TAF3: variants seen among roughly 807,000 people sequenced by gnomAD.
The protein encoded by TAF3 is TATA-box binding protein associated factor 3.
A neutral mutation model predicts 80.6 loss-of-function variants in TAF3; 7 were observed. The ratio of observed to expected loss-of-function variants is 0.09; its 90% CI spans 0.05 to 0.16. The LOEUF is 0.16. TAF3 is among the 10% of genes least tolerant of loss of function. TAF3 has a pLI of 1.00. For synonymous variants in TAF3, 444 were observed against 446.1 expected (o/e 1.00, Z 0.06); for missense variants, 921 against 1,140.2 (o/e 0.81, Z 2.77).
chr10:7,899,902 C>T (rs767447072), intron 2 of TAF3, among the ~76,000 whole-genome samples: 1 of 152,148 alleles, frequency 6.6e-6, no homozygotes, highest in African/African-American at 2.4e-5. Flanking sequence ...AGTGACTTTT[C>T]TAGATTATGG....
intron 2 of TAF3, among the ~76,000 whole-genome samples, chr10:7,905,948 G>A (rs1289720327): frequency 6.6e-6 from 1 of 152,092 alleles, no homozygotes; most frequent in Non-Finnish European, 1.5e-5. Context: ...TATGGTAAAT[G>A]CACCAATTTT....
chr10:7,970,371 G>A (rs1029223507), intron 3 of TAF3, among the ~76,000 whole-genome samples: 1 of 152,214 alleles, frequency 6.6e-6, no homozygotes, highest in Non-Finnish European at 1.5e-5. Context: ...CAGCTCTGAG[G>A]GTTTGGTATA....
chr10:7,913,005 C>T (rs1025246021), intron 2 of TAF3, among the ~76,000 whole-genome samples: 1 of 152,260 alleles, frequency 6.6e-6, no homozygotes, highest in East Asian at 1.9e-4. Context: ...ACCGAGGGGT[C>T]AGCAGGTTTG....
In TAF3 at chr10:7,964,827, C is replaced by A; in HGVS notation, c.1317C>A (p.Ser439=). The change falls in exon 3 of 7, where the codon TCC becomes TCA. Residue 439 remains serine, a synonymous_variant. Coordinates refer to ENST00000344293, the MANE Select transcript of TAF3 (RefSeq NM_031923.4). The surrounding 1 kb of genome is among the most constrained non-coding windows in gnomAD (Gnocchi z 4.1). ...GTACTACTCCCAAAGCTTCCACTTC[C>A]GCGAACAATTTCACAAAGTCAGGAT... ...PECTTPKAST[S]ANNFTKSGST... 6.2e-7 allele frequency: 1 copy of A among 1,614,128 alleles called. No individual in the cohort carries two copies. Among genetic ancestry groups the A allele is most frequent in the African/African-American group, 1.3e-5 (1 of 75,026 alleles).
chr10:7,842,176 G>GTTTTT (rs1167047923), intron 2 of TAF3, among the ~76,000 whole-genome samples: 25 of 62,156 alleles, frequency 4.0e-4, no homozygotes, highest in African/African-American at 1.5e-3. Context: ...TTTTTTTTTT[G>GTTTTT]TTTTTTTTTT....
chr10:7,971,379 T>A (rs1831620653), intron 3 of TAF3, among the ~76,000 whole-genome samples: 1 of 152,054 alleles, frequency 6.6e-6, no homozygotes, highest in Non-Finnish European at 1.5e-5. Context: ...TTTTCTAACA[T>A]ACCGGCATAG....
intron 2 of TAF3, among the ~76,000 whole-genome samples, chr10:7,845,577 A>G (rs1308043838): frequency 6.6e-6 from 1 of 152,162 alleles, no homozygotes; most frequent in Non-Finnish European, 1.5e-5. Context: ...GAAAATATTT[A>G]TGTTTGTGAA....
intron 2 of TAF3, among the ~76,000 whole-genome samples, chr10:7,905,273 G>A (rs941441255): frequency 6.6e-6 from 1 of 152,134 alleles, no homozygotes; most frequent in Non-Finnish European, 1.5e-5. Context: ...AGTGACACGC[G>A]CTGCCTTGAC....
At chr10:7,877,351 G>A (rs1837321019) in intron 2 of TAF3, among the ~76,000 whole-genome samples, 1 of 152,032 alleles carries the variant, frequency 6.6e-6, no homozygotes, top group Admixed American at 6.6e-5. Context: ...ATATTTGAGT[G>A]TATTTCACAT....
intron 2 of TAF3, among the ~76,000 whole-genome samples, chr10:7,905,130 A>C (rs1234586972): frequency 6.6e-6 from 1 of 152,176 alleles, no homozygotes; most frequent in Non-Finnish European, 1.5e-5. Flanking sequence ...TTTAATATGC[A>C]AATAGAGTGT....
At chr10:7,839,527 T>C (rs1180872607) in intron 2 of TAF3, among the ~76,000 whole-genome samples, 1 of 152,160 alleles carries the variant, frequency 6.6e-6, no homozygotes, top group East Asian at 1.9e-4. Flanking sequence ...TGCGAAGTGA[T>C]AGAGGTGACA....
chr10:7,856,634 T>C (rs1439433147), intron 2 of TAF3, among the ~76,000 whole-genome samples: 1 of 152,174 alleles, frequency 6.6e-6, no homozygotes, highest in Admixed American at 6.5e-5. Flanking sequence ...TAAAGCCAGA[T>C]TGTTGCCTTG....
chr10:7,992,665 C>T (rs957199590), intron 4 of TAF3, among the ~76,000 whole-genome samples: 2 of 152,030 alleles, frequency 1.3e-5, no homozygotes, highest in South Asian at 2.1e-4. Flanking sequence ...AAGAAATTTC[C>T]GTAGTATTCT....
rs1310216835 is a variant in TAF3 at position 7,818,587 on chromosome 10, G to A, written c.-123G>A. On this transcript the variant is annotated 5_prime_UTR_variant, in exon 1 of 7. Coordinates refer to ENST00000344293, the MANE Select transcript of TAF3 (RefSeq NM_031923.4). ...CTGGGGCTTTGAGGTGGTCGCCGGG[G>A]GTCCGGGGGACCCTTTCCCCGCCGC... 17 of 1,137,476 alleles carry A rather than the reference G, an allele frequency of 1.5e-5. No individual in the cohort carries two copies. The highest frequency in any genetic ancestry group is 1.7e-5 in the Non-Finnish European group (14 of 847,588). 70.5% of individuals were successfully genotyped at this position (1,137,476 alleles called of 1,614,324 possible).
chr10:7,924,782 A>G (rs1348720721), intron 2 of TAF3, among the ~76,000 whole-genome samples: 1 of 152,012 alleles, frequency 6.6e-6, no homozygotes, highest in Admixed American at 6.6e-5. Flanking sequence ...AGAGAGGGAC[A>G]TGAATTTTAA....
At chr10:7,921,722 A>G (rs1324596208) in intron 2 of TAF3, among the ~76,000 whole-genome samples, 1 of 152,122 alleles carries the variant, frequency 6.6e-6, no homozygotes, top group Non-Finnish European at 1.5e-5. Flanking sequence ...CTTTTTTGCA[A>G]GCATTTGCAT....
chr10:7,897,725 A>G (rs1198821663), intron 2 of TAF3, among the ~76,000 whole-genome samples: 1 of 150,676 alleles, frequency 6.6e-6, no homozygotes, highest in Non-Finnish European at 1.5e-5. Context: ...AGTGGTGCAA[A>G]CACAGCTCAC....
chr10:7,835,007 G>A (rs11598777), intron 2 of TAF3, among the ~76,000 whole-genome samples: 1 of 151,836 alleles, frequency 6.6e-6, no homozygotes, highest in Non-Finnish European at 1.5e-5. Context: ...CAGTTTTTTC[G>A]AGTGTGTGTT....
intron 2 of TAF3, among the ~76,000 whole-genome samples, chr10:7,957,514 T>C (rs1419911081): frequency 6.6e-6 from 1 of 152,244 alleles, no homozygotes; most frequent in Non-Finnish European, 1.5e-5. Context: ...AGTAATTAAT[T>C]TTCAGAATAC....
Sources: gnomAD v4.1 joint callset for allele counts (sites outside exome capture counted in the v4.1 genomes callset) on GRCh38, gnomAD v4.1.1 for gene constraint, Gnocchi (gnomAD v3.1) non-coding constraint, MANE v1.5 for transcripts, NCBI Gene and HGNC (gene_info 2026-07-23, HGNC 2026-07-21) for gene names.